The following CDH12 variants were observed in gnomAD, a reference collection of about 807,000 sequenced individuals.
CDH12 encodes cadherin-12.
CDH12 carries 41 observed loss-of-function variants against 74.1 expected under a neutral mutation model. The ratio of observed to expected loss-of-function variants is 0.55; its 90% CI spans 0.43 to 0.72. CDH12 has a LOEUF of 0.72. Ranked by LOEUF, CDH12 falls within the 30% of genes least tolerant of loss-of-function variation. CDH12 has a pLI of 0.00. For synonymous variants in CDH12, 399 were observed against 355.0 expected, an observed-to-expected ratio of 1.12 and a Z score of -1.39; for missense variants, 945 against 977.2, an observed-to-expected ratio of 0.97 and a Z score of 0.44.
chr5:22,117,468 A>AT (rs1491347240), intron 4 of CDH12, among the ~76,000 whole-genome samples: 3 of 75,982 alleles, frequency 3.9e-5, no homozygotes, highest in African/African-American at 1.6e-4. Flanking sequence ...TTATATATAT[A>AT]ATATATATAT....
intron 6 of CDH12, among the ~76,000 whole-genome samples, chr5:21,887,074 T>C (rs7705052): frequency 0.92 from 139,642 of 152,162 alleles, 65,163 homozygotes; most frequent in Non-Finnish European, 1. Flanking sequence ...TGTTTAGGAT[T>C]TTCAGACTCA....
At chr5:22,006,149 AC>A (rs1736943131) in intron 5 of CDH12, among the ~76,000 whole-genome samples, 1 of 151,380 alleles carries the variant, frequency 6.6e-6, no homozygotes, top group Non-Finnish European at 1.5e-5. Flanking sequence ...TTATTGGGTA[AC>A]TCTATGTCTG....
In CDH12 at chr5:22,314,166, C is replaced by T. The variant is rs79937640; in HGVS notation, c.-333+91091G>A. On this transcript the variant is annotated intron_variant, in intron 3 of 14. Transcript: ENST00000382254. ...TATATATTCGACTTGAAGTGTCAAT[C>T]GACATTCTGTACAAATCTGAAGCTA... Among the ~76,000 whole-genome samples, 1,428 of 152,128 alleles carry T rather than the reference C, an allele frequency of 9.4e-3. 18 individuals carry two copies. Among genetic ancestry groups the T allele is most frequent in the African/African-American group, 0.033 (1,371 of 41,494 alleles).
chr5:21,874,492 C>T (rs1359479958), intron 6 of CDH12, among the ~76,000 whole-genome samples: 4 of 152,128 alleles, frequency 2.6e-5, no homozygotes, highest in African/African-American at 9.7e-5. Context: ...AAGAAATAGC[C>T]AATCATCTAT....
chr5:22,390,014 T>TACACACACACACAC (rs70959727), intron 3 of CDH12, among the ~76,000 whole-genome samples: 35 of 150,112 alleles, frequency 2.3e-4, no homozygotes, highest in Middle Eastern at 3.4e-3. Flanking sequence ...GTAGTCAGAA[T>TACACACACACACAC]ACACACACAC....
At chr5:21,760,477 A>G in intron 13 of CDH12, 81 bp downstream of exon 13, 1 of 731,564 alleles carries the variant, frequency 1.4e-6, no homozygotes, top group Non-Finnish European at 2.4e-6. Flanking sequence ...AAGTGCTTCA[A>G]AGAAAAGTAT....
At chr5:22,437,507 G>A (rs535767743) in intron 2 of CDH12, among the ~76,000 whole-genome samples, 242 of 144,312 alleles carry the variant, frequency 1.7e-3, no homozygotes, top group African/African-American at 5.7e-3. Flanking sequence ...ATATAATAGC[G>A]GAAAATTTCA....
chr5:22,654,161 C>G (rs536930175), intron 1 of CDH12, among the ~76,000 whole-genome samples: 1 of 148,396 alleles, frequency 6.7e-6, no homozygotes, highest in East Asian at 2.0e-4. Context: ...TCCTTCCTTC[C>G]CTCCCTTCCT....
At chr5:22,777,847 T>C (rs1747181079) in intron 1 of CDH12, among the ~76,000 whole-genome samples, 2 of 152,168 alleles carry the variant, frequency 1.3e-5, no homozygotes, top group African/African-American at 2.4e-5. Context: ...GGAGTCTCGC[T>C]CTATCAACCA....
chr5:22,352,994 A>G (rs1740418418), intron 3 of CDH12, among the ~76,000 whole-genome samples: 1 of 152,190 alleles, frequency 6.6e-6, no homozygotes, highest in Non-Finnish European at 1.5e-5. Context: ...ACTGCCAAAG[A>G]TGAATACCAA....
chr5:22,577,507 T>C (rs1027478463), intron 1 of CDH12, among the ~76,000 whole-genome samples: 11 of 152,164 alleles, frequency 7.2e-5, no homozygotes, highest in African/African-American at 2.2e-4. Flanking sequence ...CATATTCTAA[T>C]AACTTCCTAC....
rs1264091914 is a variant in CDH12, at chr5:21,841,300, A to G, written c.814+861T>C. 4.6e-5 allele frequency among the ~76,000 whole-genome samples: 7 copies of G among 152,248 alleles called. No individual in the cohort carries two copies. In the East Asian group the frequency reaches 7.7e-4, roughly 17 times the overall value. On this transcript the variant is annotated intron_variant, in intron 8 of 14. Coordinates refer to ENST00000382254, the MANE Select transcript of CDH12 (RefSeq NM_004061.5). ...CATCAGAGAAATGCAAATCAAAACC[A>G]CAATGAGATATCGTCTCACACCAGT...
intron 1 of CDH12, among the ~76,000 whole-genome samples, chr5:22,822,232 C>T (rs1347557230): frequency 6.6e-6 from 1 of 152,120 alleles, no homozygotes. Context: ...AAAATTAATT[C>T]AAGATGGATT....
chr5:22,071,907 A>C (rs1036936237), intron 5 of CDH12, among the ~76,000 whole-genome samples: 1 of 152,060 alleles, frequency 6.6e-6, no homozygotes, highest in Admixed American at 6.6e-5. Context: ...GCAATTACCC[A>C]CTAATTTCTG....
At chr5:22,516,920 G>T (rs1736834130) in intron 1 of CDH12, among the ~76,000 whole-genome samples, 2 of 151,726 alleles carry the variant, frequency 1.3e-5, no homozygotes, top group Non-Finnish European at 2.9e-5. Flanking sequence ...AAAAATGAAT[G>T]GACAAAAAAT....
At chr5:22,570,227 T>C (rs912740326) in intron 1 of CDH12, among the ~76,000 whole-genome samples, 1 of 151,840 alleles carries the variant, frequency 6.6e-6, no homozygotes, top group Non-Finnish European at 1.5e-5. Context: ...GGCTAATTTT[T>C]GTATTTTTAC....
chr5:22,013,977 A>T (rs962244016), intron 5 of CDH12, among the ~76,000 whole-genome samples: 2 of 152,214 alleles, frequency 1.3e-5, no homozygotes, highest in African/African-American at 2.4e-5. Context: ...CTGTAGTCCC[A>T]GCACTTTGGG....
intron 3 of CDH12, among the ~76,000 whole-genome samples, chr5:22,268,250 A>G (rs1253185587): frequency 6.6e-6 from 1 of 152,078 alleles, no homozygotes. Flanking sequence ...CATACACACA[A>G]ACACATATGA....
intron 3 of CDH12, among the ~76,000 whole-genome samples, chr5:22,347,340 C>G (rs529130966): frequency 1.3e-5 from 2 of 152,152 alleles, no homozygotes; most frequent in Admixed American, 1.3e-4. Flanking sequence ...CTGGCTAAGT[C>G]TCTGGCTTTC....
Sources: gnomAD v4.1 joint callset for allele counts (sites outside exome capture counted in the v4.1 genomes callset) on GRCh38, gnomAD v4.1.1 for gene constraint, MANE v1.5 for transcripts, NCBI Gene and HGNC (gene_info 2026-07-23, HGNC 2026-07-21) for gene names.